Variants in DIAPH2 observed in about 807,000 individuals in gnomAD.
DIAPH2 encodes diaphanous related formin 2.
Under a neutral mutation model 92.7 loss-of-function variants are expected in DIAPH2, and 35 were observed. The ratio of observed to expected loss-of-function variants is 0.38; its 90% CI spans 0.29 to 0.50. DIAPH2 has a LOEUF of 0.50. Among genes scored for constraint, DIAPH2 ranks in the 20% least tolerant of loss-of-function variants. The pLI, the probability that DIAPH2 is intolerant of heterozygous loss-of-function variation, is 0.94. For synonymous variants in DIAPH2, 301 were observed against 280.4 expected, an observed-to-expected ratio of 1.07 and a Z score of -0.73; for missense variants, 701 against 819.5, an observed-to-expected ratio of 0.86 and a Z score of 1.77.
chrX:97,231,741 A>T (rs1305795966), intron 22 of DIAPH2, among the ~76,000 whole-genome samples: 1 of 111,174 alleles, frequency 9.0e-6, no homozygotes, highest in African/African-American at 3.3e-5. Context: ...CCTCAGAGAG[A>T]TAAAATATTG....
chrX:97,087,335 A>AT (rs2066790552), intron 19 of DIAPH2, among the ~76,000 whole-genome samples: 1 of 111,705 alleles, frequency 9.0e-6, no homozygotes, highest in South Asian at 3.8e-4. Context: ...TCATTTCATA[A>AT]TTTTTCTTCA....
intron 23 of DIAPH2, among the ~76,000 whole-genome samples, chrX:97,288,731 ACT>A (rs990252548): frequency 4.1e-5 from 4 of 96,886 alleles, no homozygotes; most frequent in African/African-American, 1.6e-4. Context: ...ACAGCGCGAG[ACT>A]CTGTCTCAAA....
At chrX:96,887,052 G>GT (rs1439992551) in intron 5 of DIAPH2, among the ~76,000 whole-genome samples, 1 of 110,757 alleles carries the variant, frequency 9.0e-6, no homozygotes, top group South Asian at 3.9e-4. Flanking sequence ...GTTCGTTGGG[G>GT]TTTTTTTAGG....
chrX:96,942,228 T>G, intron 13 of DIAPH2, 92 bp downstream of exon 13: 1 of 545,086 alleles, frequency 1.8e-6, no homozygotes, highest in Non-Finnish European at 3.2e-6. Flanking sequence ...GTAAGAAGCT[T>G]CAGTTCTTAC....
intron 26 of DIAPH2, among the ~76,000 whole-genome samples, chrX:97,559,488 CA>C (rs1235826953): frequency 0.024 from 1,015 of 42,979 alleles, 5 homozygotes; most frequent in Non-Finnish European, 0.032. Flanking sequence ...GACTCCGTCT[CA>C]AAAAAAAAAA....
chrX:97,342,927 AG>A, intron 23 of DIAPH2, among the ~76,000 whole-genome samples: 1 of 111,467 alleles, frequency 9.0e-6, no homozygotes, highest in South Asian at 3.8e-4. Context: ...ACAAGTGCAA[AG>A]GCCCTGAGTT....
At chrX:97,526,167 T>G (rs1211784564) in intron 26 of DIAPH2, among the ~76,000 whole-genome samples, 2 of 110,786 alleles carry the variant, frequency 1.8e-5, no homozygotes, top group African/African-American at 6.6e-5. Context: ...CAGACGTGTT[T>G]CCTAACAAAA....
intron 4 of DIAPH2, among the ~76,000 whole-genome samples, chrX:96,758,766 T>G (rs767767118): frequency 8.9e-6 from 1 of 111,733 alleles, no homozygotes; most frequent in Non-Finnish European, 1.9e-5. Context: ...ATTGTATAGC[T>G]TCATTTAATG....
chrX:96,920,058 TTTAGTAGAGATGGGG>T (rs2065532136), intron 9 of DIAPH2, among the ~76,000 whole-genome samples: 1 of 109,992 alleles, frequency 9.1e-6, no homozygotes, highest in Admixed American at 9.7e-5. Flanking sequence ...TTTTTTTATT[TTTAGTAGAGATGGGG>T]TTTTGCCATG....
chrX:96,900,893 A>G (rs933664768), intron 5 of DIAPH2, among the ~76,000 whole-genome samples: 10 of 111,810 alleles, frequency 8.9e-5, no homozygotes, highest in Admixed American at 1.9e-4. Context: ...TTTTGCATCA[A>G]TGTTCACCAG....
intron 20 of DIAPH2, among the ~76,000 whole-genome samples, chrX:97,104,027 C>A (rs1467003477): frequency 8.9e-6 from 1 of 111,744 alleles, no homozygotes; most frequent in Non-Finnish European, 1.9e-5. Flanking sequence ...ATTTGCCTTT[C>A]AGTCAGAAAT....
chrX:97,425,133 T>C (rs1324744720), intron 25 of DIAPH2, among the ~76,000 whole-genome samples: 1 of 112,033 alleles, frequency 8.9e-6, no homozygotes, highest in Non-Finnish European at 1.9e-5. Context: ...TTTGTAAGGA[T>C]ACATAAAATT....
chrX:96,970,941 T>C (rs768589069), intron 17 of DIAPH2, among the ~76,000 whole-genome samples: 27 of 112,081 alleles, frequency 2.4e-4, no homozygotes, highest in Non-Finnish European at 4.7e-4. Context: ...TGTGTCTCTT[T>C]TCATTTATTC....
intron 5 of DIAPH2, among the ~76,000 whole-genome samples, chrX:96,882,484 G>A (rs181939852): frequency 9.0e-6 from 1 of 111,348 alleles, no homozygotes; most frequent in African/African-American, 3.3e-5. Flanking sequence ...AGAAGTGAGA[G>A]CATTAATAAA....
chrX:97,373,328 GGT>G (rs2069466093), intron 24 of DIAPH2, among the ~76,000 whole-genome samples: 1 of 109,831 alleles, frequency 9.1e-6, no homozygotes, highest in Admixed American at 9.8e-5. Context: ...AGAAATATGA[GGT>G]GCGTAGGGAA....
At chrX:97,542,161 T>C (rs757862638) in intron 26 of DIAPH2, among the ~76,000 whole-genome samples, 2 of 112,471 alleles carry the variant, frequency 1.8e-5, no homozygotes, top group African/African-American at 6.4e-5. Context: ...CCGATAGGCA[T>C]GAGATTAAGC....
intron 24 of DIAPH2, among the ~76,000 whole-genome samples, chrX:97,383,063 T>C (rs181646051): frequency 8.9e-6 from 1 of 112,338 alleles, no homozygotes; most frequent in African/African-American, 3.2e-5. Flanking sequence ...AGGAAGTTGA[T>C]ATTCCAGCTG....
At chrX:97,539,269 C>G (rs2071121213) in intron 26 of DIAPH2, among the ~76,000 whole-genome samples, 1 of 111,331 alleles carries the variant, frequency 9.0e-6, no homozygotes, top group African/African-American at 3.3e-5. Flanking sequence ...AAAATACAGT[C>G]AGATTTTCAA....
intron 26 of DIAPH2, among the ~76,000 whole-genome samples, chrX:97,534,177 G>T (rs1004607492): frequency 1.6e-4 from 18 of 111,081 alleles, no homozygotes; most frequent in Non-Finnish European, 3.2e-4. Flanking sequence ...TCTGGAATTT[G>T]TTTACTTTAA....
Sources: gnomAD v4.1 joint callset for allele counts (sites outside exome capture counted in the v4.1 genomes callset) on GRCh38, gnomAD v4.1.1 for gene constraint, MANE v1.5 for transcripts, NCBI Gene and HGNC (gene_info 2026-07-23, HGNC 2026-07-21) for gene names.